TTLL11: variants seen among roughly 807,000 people sequenced by gnomAD.
The protein encoded by TTLL11 is tubulin tyrosine ligase like 11, also known as tubulin polyglutamylase TTLL11.
TTLL11 carries 42 observed loss-of-function variants against 51.7 expected under a neutral mutation model. The observed-to-expected ratio is 0.81, with a 90% CI of 0.64 to 1.05. TTLL11 has a LOEUF of 1.05. Ranked by LOEUF, TTLL11 falls within the 50% of genes least tolerant of loss-of-function variation. The pLI is 0.00. For synonymous variants in TTLL11, 381 were observed against 383.5 expected (o/e 0.99, Z 0.08); for missense variants, 799 against 940.4 (o/e 0.85, Z 1.97).
intron 6 of TTLL11, among the ~76,000 whole-genome samples, chr9:121,939,040 C>G (rs564959347): frequency 1.3e-5 from 2 of 152,060 alleles, no homozygotes; most frequent in Non-Finnish European, 2.9e-5. Context: ...AGGTGTTGAC[C>G]GCAGAGGAAC....
intron 1 of TTLL11, among the ~76,000 whole-genome samples, chr9:122,060,139 G>A (rs529882099): frequency 3.3e-5 from 5 of 152,254 alleles, no homozygotes; most frequent in East Asian, 1.9e-4. Context: ...TCACAGGGGC[G>A]ATGTCTTATC....
At chr9:121,878,784 G>A (rs1036634225) in intron 6 of TTLL11, among the ~76,000 whole-genome samples, 6 of 152,204 alleles carry the variant, frequency 3.9e-5, no homozygotes, top group African/African-American at 9.7e-5. Flanking sequence ...AGCATGGAGC[G>A]CGTGTCTTCG....
intron 7 of TTLL11, among the ~76,000 whole-genome samples, chr9:121,861,962 C>A (rs903919140): frequency 1.3e-5 from 2 of 152,182 alleles, no homozygotes; most frequent in Non-Finnish European, 2.9e-5. Context: ...TGGGCTGACA[C>A]AGAATTGCTG....
intron 1 of TTLL11, among the ~76,000 whole-genome samples, chr9:122,086,112 T>C (rs1437851425): frequency 6.6e-6 from 1 of 152,242 alleles, no homozygotes; most frequent in Non-Finnish European, 1.5e-5. Flanking sequence ...CTGTATGTTT[T>C]ATAACACAGA....
chr9:121,927,747 A>C (rs1314696947), intron 6 of TTLL11, among the ~76,000 whole-genome samples: 1 of 151,808 alleles, frequency 6.6e-6, no homozygotes, highest in Non-Finnish European at 1.5e-5. Flanking sequence ...GGGCCTAAGG[A>C]GTGCTCTGAA....
intron 6 of TTLL11, among the ~76,000 whole-genome samples, chr9:121,899,426 C>A (rs1377484584): frequency 9.6e-5 from 14 of 146,134 alleles, no homozygotes; most frequent in African/African-American, 3.6e-4. Flanking sequence ...CATTTAGAGA[C>A]AGAGTCTCAG....
At chr9:121,953,946 A>G (rs929252410) in intron 6 of TTLL11, among the ~76,000 whole-genome samples, 1 of 152,140 alleles carries the variant, frequency 6.6e-6, no homozygotes, top group African/African-American at 2.4e-5. Flanking sequence ...AGTTAACAGA[A>G]TGTTAGGGCC....
intron 8 of TTLL11, among the ~76,000 whole-genome samples, chr9:121,842,253 T>TC (rs1837377425): frequency 7.5e-6 from 1 of 133,200 alleles, no homozygotes; most frequent in Admixed American, 7.3e-5. Flanking sequence ...CCTCTCCTTT[T>TC]TTTTAAAAAA....
At chr9:121,881,296 G>A (rs188422177) in intron 6 of TTLL11, among the ~76,000 whole-genome samples, 15 of 148,442 alleles carry the variant, frequency 1.0e-4, no homozygotes, top group African/African-American at 2.5e-4. Context: ...ATAAGTTGGG[G>A]GAAGCCATGT....
At chr9:121,942,708 C>A (rs1341140023) in intron 6 of TTLL11, among the ~76,000 whole-genome samples, 1 of 151,136 alleles carries the variant, frequency 6.6e-6, no homozygotes, top group Non-Finnish European at 1.5e-5. Flanking sequence ...TCCTGCTACT[C>A]CCTCCCTCCT....
At position 121,890,020 on chromosome 9, in the gene TTLL11, G is replaced by A. The variant is rs912696314; in HGVS notation, c.1482-19272C>T. 6.6e-6 allele frequency among the ~76,000 whole-genome samples: 1 copy of A among 152,160 alleles called. No individual in the cohort carries two copies. Among genetic ancestry groups the A allele is most frequent in the Non-Finnish European group, 1.5e-5 (1 of 68,030 alleles). On this transcript the variant is annotated intron_variant, in intron 6 of 8. Coordinates refer to ENST00000321582, the MANE Select transcript of TTLL11 (RefSeq NM_001139442.2). This position sits in a 1 kb window ranked among gnomAD's most constrained non-coding sequence, Gnocchi z 4.3. Reference sequence around the variant, plus strand: ...TAAGGGTTCATCTATGCTGTAGCATGTTTCAGAATATCCTTCCTTTTAAAG... The same window carrying A: ...TAAGGGTTCATCTATGCTGTAGCATATTTCAGAATATCCTTCCTTTTAAAG...
chr9:121,927,288 T>C (rs1465600947), intron 6 of TTLL11, among the ~76,000 whole-genome samples: 1 of 151,940 alleles, frequency 6.6e-6, no homozygotes, highest in Non-Finnish European at 1.5e-5. Context: ...ACATAGCGCA[T>C]GCGCTGTCTG....
chr9:121,883,053 G>A (rs1838857574), intron 6 of TTLL11, among the ~76,000 whole-genome samples: 1 of 152,046 alleles, frequency 6.6e-6, no homozygotes, highest in Non-Finnish European at 1.5e-5. Context: ...AAGAATTTGG[G>A]GTAATTTTGC....
chr9:122,065,760 G>GT (rs1320146780), intron 1 of TTLL11, among the ~76,000 whole-genome samples: 3 of 152,208 alleles, frequency 2.0e-5, no homozygotes, highest in Non-Finnish European at 4.4e-5. Context: ...TGAGGAATAG[G>GT]TGAGATAATG....
intron 6 of TTLL11, among the ~76,000 whole-genome samples, chr9:121,940,527 G>A (rs755345435): frequency 7.2e-5 from 11 of 151,992 alleles, no homozygotes; most frequent in East Asian, 1.9e-4. Context: ...TAGTGGAGAC[G>A]GGGTTTCACT....
chr9:121,860,509 C>T (rs1837972832), intron 7 of TTLL11, 66 bp from the exon 8 acceptor site: 1 of 1,290,314 alleles, frequency 7.8e-7, no homozygotes. Context: ...CTCTCCTCCA[C>T]TCCTGTTAGG....
intron 6 of TTLL11, among the ~76,000 whole-genome samples, chr9:121,916,073 A>G (rs1231969352): frequency 1.3e-5 from 2 of 151,932 alleles, no homozygotes; most frequent in African/African-American, 2.4e-5. Context: ...AATGTGAAAA[A>G]GTAGAAATAA....
At chr9:122,021,674 T>G (rs1844184753) in intron 3 of TTLL11, among the ~76,000 whole-genome samples, 1 of 152,144 alleles carries the variant, frequency 6.6e-6, no homozygotes, top group South Asian at 2.1e-4. Flanking sequence ...GAAATAGACC[T>G]GAAATCTATT....
chr9:121,841,279 T>C (rs1459699369), intron 8 of TTLL11, among the ~76,000 whole-genome samples: 1 of 151,890 alleles, frequency 6.6e-6, no homozygotes, highest in African/African-American at 2.4e-5. Context: ...GGCTGGCAAG[T>C]CTAATCTCAA....
Sources: gnomAD v4.1 joint callset for allele counts (sites outside exome capture counted in the v4.1 genomes callset) on GRCh38, gnomAD v4.1.1 for gene constraint, Gnocchi (gnomAD v3.1) non-coding constraint, MANE v1.5 for transcripts, NCBI Gene and HGNC (gene_info 2026-07-23, HGNC 2026-07-21) for gene names.